The following NSMCE2 variants were observed in gnomAD, a reference collection of about 807,000 sequenced individuals.
NSMCE2 encodes E3 SUMO-protein ligase NSE2.
A neutral mutation model predicts 23.8 loss-of-function variants in NSMCE2; 24 were observed. The observed-to-expected ratio is 1.01, with a 90% CI of 0.73 to 1.42. The LOEUF (loss-of-function observed/expected upper bound fraction) is 1.42. NSMCE2 is among the 40% of genes most tolerant of loss of function. NSMCE2 has a pLI of 0.00. For synonymous variants in NSMCE2, 92 were observed against 94.1 expected, an observed-to-expected ratio of 0.98 and a Z score of 0.13; for missense variants, 284 against 296.5, an observed-to-expected ratio of 0.96 and a Z score of 0.31.
chr8:125,220,387 A>G (rs972912455), intron 5 of NSMCE2, among the ~76,000 whole-genome samples: 1 of 152,160 alleles, frequency 6.6e-6, no homozygotes, highest in African/African-American at 2.4e-5. Context: ...AGGCATTATC[A>G]TTTGCCTTAG....
intron 5 of NSMCE2, among the ~76,000 whole-genome samples, chr8:125,208,005 T>A (rs1362147153): frequency 1.3e-5 from 2 of 152,234 alleles, no homozygotes; most frequent in African/African-American, 4.8e-5. Context: ...TAGACTCTGC[T>A]TCTTGATGGG....
chr8:125,241,186 T>A (rs1445676849), intron 5 of NSMCE2, among the ~76,000 whole-genome samples: 1 of 152,206 alleles, frequency 6.6e-6, no homozygotes, highest in Non-Finnish European at 1.5e-5. Flanking sequence ...GCATTTCGGA[T>A]TTTGTATTTT....
chr8:125,297,377 T>A (rs1204561713), intron 5 of NSMCE2, among the ~76,000 whole-genome samples: 1 of 152,204 alleles, frequency 6.6e-6, no homozygotes, highest in East Asian at 1.9e-4. Flanking sequence ...TACTAAGAAG[T>A]CATCTTTGGT....
rs565290172 is a variant in NSMCE2, at chr8:125,164,565, AG to A, written c.264+13291del. Reference sequence around the variant, plus strand: ...CACACTGATGTGGCGTGTGTTAGAGAGGGATTCTATTAGAATTAAGGAACTA... The same window carrying A: ...CACACTGATGTGGCGTGTGTTAGAGAGGATTCTATTAGAATTAAGGAACTA... On this transcript the variant is annotated intron_variant, in intron 4 of 7. Coordinates refer to ENST00000287437, the MANE Select transcript of NSMCE2 (RefSeq NM_173685.4). Among the ~76,000 whole-genome samples the A allele has an allele frequency of 1.2e-3, 177 of 152,280 alleles. 1 individual carries two copies. Among genetic ancestry groups the A allele is most frequent in the African/African-American group, 4.0e-3 (165 of 41,552 alleles).
chr8:125,227,234 C>A (rs1447231711), intron 5 of NSMCE2, among the ~76,000 whole-genome samples: 1 of 152,248 alleles, frequency 6.6e-6, no homozygotes, highest in East Asian at 1.9e-4. Flanking sequence ...CTGCCACGTC[C>A]CTGACATGGC....
chr8:125,327,265 C>CAAAAA (rs59574355), intron 5 of NSMCE2, among the ~76,000 whole-genome samples: 4 of 118,668 alleles, frequency 3.4e-5, no homozygotes, highest in African/African-American at 3.6e-5. Flanking sequence ...GACTCCATCT[C>CAAAAA]AAAAAAAAAA....
At chr8:125,188,599 T>TTAGTTTGTAA (rs1823212388) in intron 5 of NSMCE2, among the ~76,000 whole-genome samples, 1 of 152,238 alleles carries the variant, frequency 6.6e-6, no homozygotes. Context: ...AACAAAACTG[T>TTAGTTTGTAA]TAGTTTGTAA....
chr8:125,093,929 T>C lies in NSMCE2; in HGVS notation c.-111+1971T>C, dbSNP rs112308316. ...CTCCCACCTCAGCCTTCCGAGGGTC[T>C]AGGACAATAGGTGCAAGCCACTATG... is the stretch of plus-strand genomic sequence containing the variant. On this transcript the variant is annotated intron_variant, in intron 1 of 7. Transcript: ENST00000287437. Among the ~76,000 whole-genome samples the C allele has an allele frequency of 1.0e-3, 158 of 152,134 alleles. 2 individuals are homozygous for C. The highest frequency in any genetic ancestry group is 3.5e-3 in the African/African-American group (144 of 41,514).
At chr8:125,252,086 T>A (rs978969699) in intron 5 of NSMCE2, among the ~76,000 whole-genome samples, 4 of 152,222 alleles carry the variant, frequency 2.6e-5, no homozygotes, top group Non-Finnish European at 5.9e-5. Context: ...CTTGTAATCC[T>A]AGCTGAGATT....
intron 5 of NSMCE2, among the ~76,000 whole-genome samples, chr8:125,220,252 G>A (rs1824790506): frequency 6.6e-6 from 1 of 151,960 alleles, no homozygotes. Context: ...TCTTGATGTT[G>A]CAATCTTTAT....
Position 125,232,602 on chromosome 8 carries a change from A to G in NSMCE2, c.418+50346A>G, listed in dbSNP as rs1228349310. 2.6e-5 allele frequency among the ~76,000 whole-genome samples: 4 copies of G among 152,150 alleles called. No individual in the cohort carries two copies. In the East Asian group the frequency reaches 5.8e-4, roughly 22 times the overall value. On this transcript the variant is annotated intron_variant, in intron 5 of 7. Coordinates refer to ENST00000287437, the MANE Select transcript of NSMCE2 (RefSeq NM_173685.4). ...AAAATTAGGTAAGAAGGAAATTATG[A>G]TGGAAAATTTCAAACATATATAAAG...
intron 5 of NSMCE2, among the ~76,000 whole-genome samples, chr8:125,295,047 AG>A (rs1156900310): frequency 1.3e-5 from 2 of 152,190 alleles, no homozygotes; most frequent in East Asian, 3.8e-4. Context: ...TACTTAAAAT[AG>A]GTTGGACTTT....
rs1182022112 is a variant in NSMCE2, at chr8:125,199,182, A to C, written c.418+16926A>C. 1.5e-4 allele frequency among the ~76,000 whole-genome samples: 23 copies of C among 151,976 alleles called. 1 individual carries two copies. The highest frequency in any genetic ancestry group is 1.5e-3 in the Admixed American group (23 of 15,260). On this transcript the variant is annotated intron_variant, in intron 5 of 7. Transcript: ENST00000287437. The stretch of plus-strand genomic sequence containing the variant: ...AAGGGTTTTTTTGTGTATCTCCTTC[A>C]GTTCTGCTCTGATCTGAGTTATTTC...
At chr8:125,131,401 G>A (rs1047260930) in intron 3 of NSMCE2, among the ~76,000 whole-genome samples, 2 of 152,146 alleles carry the variant, frequency 1.3e-5, no homozygotes, top group African/African-American at 2.4e-5. Context: ...TCTGCTTTCC[G>A]AAGTCAGAAT....
chr8:125,201,827 G>A (rs1323571077), intron 5 of NSMCE2, among the ~76,000 whole-genome samples: 3 of 152,236 alleles, frequency 2.0e-5, no homozygotes, highest in African/African-American at 7.2e-5. Context: ...AGTAGCCCTT[G>A]ATGAGCTGTG....
chr8:125,092,836 A>T (rs750158770), intron 1 of NSMCE2, among the ~76,000 whole-genome samples: 3 of 152,256 alleles, frequency 2.0e-5, no homozygotes, highest in Non-Finnish European at 4.4e-5. Context: ...AGATTGATTT[A>T]AACCAGTTAT....
At chr8:125,149,158 A>G (rs1422555165) in intron 3 of NSMCE2, among the ~76,000 whole-genome samples, 14 of 152,016 alleles carry the variant, frequency 9.2e-5, no homozygotes, top group Admixed American at 9.2e-4. Context: ...GTAAATACAA[A>G]TTTTTCTTAT....
chr8:125,196,436 G>C (rs1214005077), intron 5 of NSMCE2, among the ~76,000 whole-genome samples: 1 of 152,044 alleles, frequency 6.6e-6, no homozygotes, highest in Non-Finnish European at 1.5e-5. Context: ...TTCCACCTGT[G>C]GGTGAGAACA....
rs112687967 is a variant in NSMCE2, at chr8:125,204,408, G to A, written c.418+22152G>A. ...CTCTTTCCCGAGAGGACACTATACT[G>A]TGACTTCACTTCAGTTGCCTAAGGT... On this transcript the variant is annotated intron_variant, in intron 5 of 7. Coordinates refer to ENST00000287437, the MANE Select transcript of NSMCE2 (RefSeq NM_173685.4). Among the ~76,000 whole-genome samples, 320 of 152,246 alleles carry A rather than the reference G, an allele frequency of 2.1e-3. 2 individuals are homozygous for A. The highest frequency in any genetic ancestry group is 7.5e-3 in the African/African-American group (312 of 41,540).
Sources: gnomAD v4.1 joint callset for allele counts (sites outside exome capture counted in the v4.1 genomes callset) on GRCh38, gnomAD v4.1.1 for gene constraint, MANE v1.5 for transcripts, NCBI Gene and HGNC (gene_info 2026-07-23, HGNC 2026-07-21) for gene names.